MECOM: variants seen among roughly 807,000 people sequenced by gnomAD.
MECOM encodes the protein MDS1 and EVI1 complex locus.
In MECOM, 13 loss-of-function variants were observed where a neutral mutation model predicts 116.3. The observed-to-expected ratio is 0.11, with a 90% CI of 0.07 to 0.18. The LOEUF is 0.18. MECOM is among the 10% of genes least tolerant of loss of function. The pLI is 1.00. For synonymous variants in MECOM, 528 were observed against 535.2 expected, an observed-to-expected ratio of 0.99 and a Z score of 0.19; for missense variants, 1,299 against 1,509.0, an observed-to-expected ratio of 0.86 and a Z score of 2.31.
chr3:169,271,157 A>G (rs1758899126), intron 2 of MECOM, among the ~76,000 whole-genome samples: 1 of 152,098 alleles, frequency 6.6e-6, no homozygotes, highest in South Asian at 2.1e-4. Flanking sequence ...TATGCATCAA[A>G]CTCATGCAAT....
At chr3:169,519,785 T>C (rs566955010) in intron 1 of MECOM, among the ~76,000 whole-genome samples, 2 of 152,276 alleles carry the variant, frequency 1.3e-5, no homozygotes, top group Non-Finnish European at 2.9e-5. Context: ...CTCTTGATTT[T>C]TGACTGCTCA....
At chr3:169,516,291 G>A (rs1342741358) in intron 1 of MECOM, among the ~76,000 whole-genome samples, 3 of 152,280 alleles carry the variant, frequency 2.0e-5, no homozygotes, top group South Asian at 4.1e-4. Context: ...GAAAATACGT[G>A]AAAAGTTTTC....
At chr3:169,144,558 A>G (rs1739145830) in intron 2 of MECOM, among the ~76,000 whole-genome samples, 1 of 152,134 alleles carries the variant, frequency 6.6e-6, no homozygotes, top group South Asian at 2.1e-4. Context: ...GTATACTTGT[A>G]TCTTGTTATT....
chr3:169,199,474 T>C (rs1748874140), intron 2 of MECOM, among the ~76,000 whole-genome samples: 1 of 152,066 alleles, frequency 6.6e-6, no homozygotes, highest in African/African-American at 2.4e-5. Flanking sequence ...AGTGCCATGA[T>C]GCAATCATGG....
chr3:169,494,179 G>C (rs961285635), intron 1 of MECOM, among the ~76,000 whole-genome samples: 4 of 151,752 alleles, frequency 2.6e-5, no homozygotes, highest in Admixed American at 2.6e-4. Flanking sequence ...TTTAAAACAG[G>C]GGACAATCTC....
intron 1 of MECOM, among the ~76,000 whole-genome samples, chr3:169,441,690 G>T (rs1426561043): frequency 1.3e-5 from 2 of 150,814 alleles, no homozygotes; most frequent in Non-Finnish European, 3.0e-5. Context: ...AGAAATAAAA[G>T]ATGCTTTTTT....
chr3:169,267,762 A>AT (rs35630450), intron 2 of MECOM, among the ~76,000 whole-genome samples: 26 of 149,820 alleles, frequency 1.7e-4, no homozygotes, highest in South Asian at 1.3e-3. Context: ...AGCATAGTCC[A>AT]TTTTTTTTTT....
chr3:169,185,029 C>A (rs1191448046), intron 2 of MECOM, among the ~76,000 whole-genome samples: 2 of 151,970 alleles, frequency 1.3e-5, no homozygotes, highest in African/African-American at 4.8e-5. Context: ...GCCTATTAAC[C>A]CCAAAAGGAA....
chr3:169,447,614 C>T (rs1744874877), intron 1 of MECOM, among the ~76,000 whole-genome samples: 1 of 152,134 alleles, frequency 6.6e-6, no homozygotes, highest in Non-Finnish European at 1.5e-5. Context: ...TTCAAGGAAT[C>T]CATAGTGGGA....
At chr3:169,440,453 A>C (rs1316915819) in intron 1 of MECOM, among the ~76,000 whole-genome samples, 3 of 151,768 alleles carry the variant, frequency 2.0e-5, no homozygotes. Context: ...TGGAGGTCCA[A>C]GAAAAGCATT....
At chr3:169,485,995 G>GTGTATA (rs1390709684) in intron 1 of MECOM, among the ~76,000 whole-genome samples, 167 of 65,066 alleles carry the variant, frequency 2.6e-3, no homozygotes, top group African/African-American at 0.01. Context: ...GTATATATAT[G>GTGTATA]TATATATATA....
intron 1 of MECOM, among the ~76,000 whole-genome samples, chr3:169,436,221 A>T (rs1306525495): frequency 2.6e-5 from 4 of 151,826 alleles, no homozygotes; most frequent in Admixed American, 6.6e-5. Flanking sequence ...ACGCAAAAAA[A>T]AAAGGGAAAT....
At chr3:169,644,236 GTTTATTTATTTA>G (rs10522068) in intron 1 of MECOM, among the ~76,000 whole-genome samples, 77,066 of 147,850 alleles carry the variant, frequency 0.52, 21,262 homozygotes, top group African/African-American at 0.72. Context: ...TTATTTATTT[GTTTATTTATTTA>G]TTTATTTATT....
chr3:169,511,933 C>T (rs550991661), intron 1 of MECOM, among the ~76,000 whole-genome samples: 1 of 152,302 alleles, frequency 6.6e-6, no homozygotes, highest in South Asian at 2.1e-4. Context: ...TGTCTGCCAA[C>T]ATGTAAATTG....
chr3:169,637,521 G>A (rs1263426866), intron 1 of MECOM, among the ~76,000 whole-genome samples: 1 of 152,168 alleles, frequency 6.6e-6, no homozygotes, highest in Non-Finnish European at 1.5e-5. Context: ...CCGGGCCTCA[G>A]ATATTTGAGG....
intron 1 of MECOM, among the ~76,000 whole-genome samples, chr3:169,415,431 A>C (rs565632675): frequency 1.3e-5 from 2 of 152,294 alleles, no homozygotes; most frequent in South Asian, 2.1e-4. Flanking sequence ...GCAAAAACAA[A>C]CCAAAATGTA....
chr3:169,517,110 T>TACAACA (rs993272309), intron 1 of MECOM, among the ~76,000 whole-genome samples: 3 of 151,946 alleles, frequency 2.0e-5, no homozygotes, highest in Non-Finnish European at 2.9e-5. Context: ...CCATGGATCA[T>TACAACA]ACAACAACAA....
intron 1 of MECOM, among the ~76,000 whole-genome samples, chr3:169,461,307 A>G (rs1274460192): frequency 6.6e-6 from 1 of 152,260 alleles, no homozygotes; most frequent in East Asian, 1.9e-4. Flanking sequence ...GACAGAAACC[A>G]TGGTGCAGAT....
At chr3:169,490,048 G>A (rs1752890171) in intron 1 of MECOM, among the ~76,000 whole-genome samples, 2 of 152,048 alleles carry the variant, frequency 1.3e-5, no homozygotes, top group African/African-American at 4.8e-5. Flanking sequence ...TAAAGAATAT[G>A]ATACAAAATC....
Sources: gnomAD v4.1 joint callset for allele counts (sites outside exome capture counted in the v4.1 genomes callset) on GRCh38, gnomAD v4.1.1 for gene constraint, MANE v1.5 for transcripts, NCBI Gene and HGNC (gene_info 2026-07-23, HGNC 2026-07-21) for gene names.